Variants in TMEM63C observed in about 807,000 individuals in gnomAD.
TMEM63C encodes the protein osmosensitive cation channel TMEM63C.
TMEM63C carries 32 observed loss-of-function variants against 99.2 expected under a neutral mutation model. The observed-to-expected ratio is 0.32, with a 90% confidence interval of 0.24 to 0.43. TMEM63C has a LOEUF of 0.43. Ranked by LOEUF, TMEM63C falls within the 20% of genes least tolerant of loss-of-function variation. The pLI is 1.00. For synonymous variants in TMEM63C, 376 were observed against 397.9 expected, an observed-to-expected ratio of 0.94 and a Z score of 0.66; for missense variants, 826 against 1,053.0, an observed-to-expected ratio of 0.78 and a Z score of 2.98.
chr14:77,257,548 G>A lies in TMEM63C; in HGVS notation c.*822G>A, dbSNP rs1330770962. ...ACGACAGAAGCCGAATTCATGGAAG[G>A]GGGGTCTTCTCCCCAAAACTCTGTG... On this transcript the variant is annotated 3_prime_UTR_variant, in exon 24 of 24. Coordinates refer to ENST00000298351, the MANE Select transcript of TMEM63C (RefSeq NM_020431.4). 6.6e-6 allele frequency: 1 copy of A among 152,186 alleles called. No homozygotes were observed. Among genetic ancestry groups the A allele is most frequent in the African/African-American group, 2.4e-5 (1 of 41,428 alleles). 9.4% of individuals were successfully genotyped at this position (152,186 alleles called of 1,614,324 possible).
At position 77,251,811 on chromosome 14, in the gene TMEM63C, C is replaced by A. The variant is rs1002197912; in HGVS notation, c.2061C>A (p.Ile687=). The A allele has an allele frequency of 1.2e-6, 2 of 1,614,022 alleles. No individual in the cohort carries two copies. Among genetic ancestry groups the A allele is most frequent in the Non-Finnish European group, 1.7e-6 (2 of 1,179,884 alleles). ...LRLGSLHAIT[I]FSLSTLLIAM... ...CAGGTTCTCTCCACGCCATCACCAT[C>A]TTTTCCCTGTCCACCCTCCTCATTG... The change falls in exon 22 of 24, where the codon ATC becomes ATA. Residue 687 remains isoleucine (I), a synonymous_variant. Transcript: ENST00000298351.
intron 12 of TMEM63C, 51 bp downstream of exon 12, chr14:77,239,777 G>C: frequency 3.1e-6 from 5 of 1,594,720 alleles, no homozygotes; most frequent in Non-Finnish European, 2.6e-6. Flanking sequence ...GGGGTCCTGG[G>C]GCTCTAGGCT....
At chr14:77,247,239 C>T (rs1038371586) in intron 18 of TMEM63C, among the ~76,000 whole-genome samples, 4 of 152,068 alleles carry the variant, frequency 2.6e-5, no homozygotes, top group South Asian at 2.1e-4. Context: ...CTCATTCTGT[C>T]GCCCAGGCTG....
At chr14:77,215,773 T>C (rs1661590754) in intron 2 of TMEM63C, among the ~76,000 whole-genome samples, 1 of 152,154 alleles carries the variant, frequency 6.6e-6, no homozygotes, top group Admixed American at 6.5e-5. Context: ...ATCTCCACTG[T>C]GCACTAGTTC....
chr14:77,250,478 C>T (rs1476916274), intron 21 of TMEM63C, among the ~76,000 whole-genome samples: 4 of 149,724 alleles, frequency 2.7e-5, no homozygotes, highest in African/African-American at 7.4e-5. Flanking sequence ...CTCGCTCTGT[C>T]GCCCAGGCTG....
chr14:77,194,434 T>C (rs953765166), intron 1 of TMEM63C, among the ~76,000 whole-genome samples: 2 of 151,416 alleles, frequency 1.3e-5, no homozygotes, highest in Admixed American at 1.3e-4. Flanking sequence ...GAAATGATAC[T>C]TATGTTGGAG....
At position 77,220,104 on chromosome 14, in the gene TMEM63C, G is replaced by A; in HGVS notation, c.312+17G>A. On this transcript the variant is annotated intron_variant, in intron 5 of 23. Transcript: ENST00000298351. ...AGAGACAAGGTGAGTGCTGGGAGCG[G>A]TCTGGGCGGTGGGAGTCCCAGCACT... 1 of 1,552,732 alleles carries A rather than the reference G, an allele frequency of 6.4e-7. No homozygotes were observed. Among genetic ancestry groups the A allele is most frequent in the South Asian group, 1.2e-5 (1 of 84,124 alleles).
In TMEM63C at chr14:77,219,481, CT is replaced by C; in HGVS notation, c.151-13del. 6.2e-7 allele frequency: 1 copy of C among 1,613,794 alleles called. No homozygotes were observed. The highest frequency in any genetic ancestry group is 8.5e-7 in the Non-Finnish European group (1 of 1,179,824). On this transcript the variant is annotated splice_polypyrimidine_tract_variant and intron_variant, in intron 3 of 23. Coordinates refer to ENST00000298351, the MANE Select transcript of TMEM63C (RefSeq NM_020431.4). ...CCATGAAGTCTCCCACCCCACATTG[CT>C]TTTCCTGGCCTGTAGCTCGTCCTTG... is the stretch of plus-strand genomic sequence containing the variant.
At chr14:77,185,083 T>C (rs1887974752) in intron 1 of TMEM63C, among the ~76,000 whole-genome samples, 1 of 152,162 alleles carries the variant, frequency 6.6e-6, no homozygotes, top group South Asian at 2.1e-4. Flanking sequence ...TTGTAGTCAT[T>C]AGTAATGCTC....
rs944246010 is a variant in TMEM63C, at chr14:77,253,447, T to TG, written c.2220+76dup. ...GGGATGGTCTACTCTAGTGGCATTG[T>TG]GGGGGATGCCAGCTTTGCTGCCCAC... On this transcript the variant is annotated intron_variant, in intron 23 of 23. Coordinates refer to ENST00000298351, the MANE Select transcript of TMEM63C (RefSeq NM_020431.4). 19 of 1,434,858 alleles carry TG rather than the reference T, an allele frequency of 1.3e-5. No individual in the cohort carries two copies. The African/African-American group carries it at 1.8e-4, about 14-fold the overall frequency. 88.9% of individuals were successfully genotyped at this position (1,434,858 alleles called of 1,614,324 possible). A position where few individuals can be genotyped will look rare whatever the true frequency, so the allele number is the denominator to read the frequency against.
At chr14:77,249,517 C>A (rs1038966835) in intron 21 of TMEM63C, 59 bp downstream of exon 21, 15 of 1,572,314 alleles carry the variant, frequency 9.5e-6, no homozygotes, top group Admixed American at 3.6e-5. Context: ...TCTGTGAGTC[C>A]CTTAACACTG....
Position 77,239,745 on chromosome 14 carries a change from G to T in TMEM63C, c.930+19G>T. On this transcript the variant is annotated intron_variant, in intron 12 of 23. Transcript: ENST00000298351. Reference sequence around the variant, plus strand: ...CAAGGAGGTAACTGGCTTGAGCGTTGGGAGCACAGCAAGGGAGCGGTGGGG... The same window carrying T: ...CAAGGAGGTAACTGGCTTGAGCGTTTGGAGCACAGCAAGGGAGCGGTGGGG... 6.2e-7 allele frequency: 1 copy of T among 1,611,634 alleles called. No homozygotes were observed. Among genetic ancestry groups the T allele is most frequent in the South Asian group, 1.1e-5 (1 of 90,768 alleles).
intron 5 of TMEM63C, among the ~76,000 whole-genome samples, chr14:77,222,803 G>A (rs1888748680): frequency 6.6e-6 from 1 of 152,204 alleles, no homozygotes; most frequent in Admixed American, 6.5e-5. Context: ...CCTGGGTCCA[G>A]ATCTCTTGTT....
In TMEM63C at chr14:77,234,368, C is replaced by T. The variant is rs538715316; in HGVS notation, c.542+868C>T. Among the ~76,000 whole-genome samples the T allele has an allele frequency of 2.8e-4, 42 of 152,322 alleles. 1 individual carries two copies. Among genetic ancestry groups the T allele is most frequent in the African/African-American group, 8.7e-4 (36 of 41,572 alleles). On this transcript the variant is annotated intron_variant, in intron 8 of 23. Coordinates refer to ENST00000298351, the MANE Select transcript of TMEM63C (RefSeq NM_020431.4). Reference sequence around the variant, plus strand: ...TGGCATCCTCTCACCTCTGCTTTGACCATATCCTCCCCTGAGGATGCCAAC... The same window carrying T: ...TGGCATCCTCTCACCTCTGCTTTGATCATATCCTCCCCTGAGGATGCCAAC...
intron 1 of TMEM63C, among the ~76,000 whole-genome samples, chr14:77,196,531 G>A (rs11627977): frequency 0.15 from 23,428 of 152,162 alleles, 1,966 homozygotes; most frequent in African/African-American, 0.22. Context: ...AAATTCCCCC[G>A]GGGCTGAGCT....
intron 1 of TMEM63C, among the ~76,000 whole-genome samples, chr14:77,191,085 A>C (rs1419361413): frequency 6.6e-6 from 1 of 152,228 alleles, no homozygotes. Context: ...AACAGACTTT[A>C]ACCTTTTAAA....
At chr14:77,196,252 C>T (rs1888212601) in intron 1 of TMEM63C, 1 of 152,630 alleles carries the variant, frequency 6.6e-6, no homozygotes, top group Admixed American at 6.5e-5. Flanking sequence ...GGCATCATCC[C>T]ATCACCCATC....
chr14:77,188,896 G>A (rs1888052234), intron 1 of TMEM63C, among the ~76,000 whole-genome samples: 1 of 151,992 alleles, frequency 6.6e-6, no homozygotes, highest in Admixed American at 6.6e-5. Context: ...TGCAAGAATA[G>A]AATAATGAAT....
rs770887322 is a variant in TMEM63C, at chr14:77,220,103, G to A, written c.312+16G>A. On this transcript the variant is annotated intron_variant, in intron 5 of 23. Transcript: ENST00000298351. ...CAGAGACAAGGTGAGTGCTGGGAGCGGTCTGGGCGGTGGGAGTCCCAGCAC... is the reference window on the plus strand; with the variant it reads ...CAGAGACAAGGTGAGTGCTGGGAGCAGTCTGGGCGGTGGGAGTCCCAGCAC... 6.9e-5 allele frequency: 107 copies of A among 1,552,500 alleles called. No individual in the cohort carries two copies. The highest frequency in any genetic ancestry group is 1.6e-4 in the African/African-American group (12 of 73,138).
Sources: gnomAD v4.1 joint callset for allele counts (sites outside exome capture counted in the v4.1 genomes callset) on GRCh38, gnomAD v4.1.1 for gene constraint, MANE v1.5 for transcripts, NCBI Gene and HGNC (gene_info 2026-07-23, HGNC 2026-07-21) for gene names.